The following CDKAL1 variants were observed in gnomAD, a reference collection of about 807,000 sequenced individuals.
CDKAL1 encodes the protein CDKAL1 threonylcarbamoyladenosine tRNA methylthiotransferase.
Under a neutral mutation model 68.2 loss-of-function variants are expected in CDKAL1, and 32 were observed. The observed-to-expected ratio is 0.47, with a 90% CI of 0.35 to 0.63. The LOEUF is 0.63. CDKAL1 is among the 30% of genes least tolerant of loss of function. The pLI, the probability that CDKAL1 is intolerant of heterozygous loss-of-function variation, is 0.00. For missense variants in CDKAL1, 606 were observed against 696.7 expected, an observed-to-expected ratio of 0.87 and a Z score of 1.47; for synonymous variants, 234 against 244.3, an observed-to-expected ratio of 0.96 and a Z score of 0.39.
chr6:20,915,125 A>G (rs760777767), intron 9 of CDKAL1, among the ~76,000 whole-genome samples: 2 of 151,936 alleles, frequency 1.3e-5, no homozygotes, highest in Non-Finnish European at 2.9e-5. Context: ...AATTTATTGT[A>G]AATTGGTTTA....
At chr6:20,613,732 C>T (rs1766757673) in intron 4 of CDKAL1, among the ~76,000 whole-genome samples, 1 of 150,918 alleles carries the variant, frequency 6.6e-6, no homozygotes, top group African/African-American at 2.4e-5. Flanking sequence ...CTTTTCTTGG[C>T]TTTTGCTAAT....
chr6:20,975,525 A>G (rs755918462), intron 10 of CDKAL1, among the ~76,000 whole-genome samples: 8 of 152,244 alleles, frequency 5.3e-5, no homozygotes, highest in African/African-American at 1.9e-4. Context: ...GTCTTTGCAT[A>G]CATAACATCT....
At chr6:21,155,934 A>C (rs935911265) in intron 13 of CDKAL1, among the ~76,000 whole-genome samples, 9 of 152,202 alleles carry the variant, frequency 5.9e-5, no homozygotes, top group Non-Finnish European at 2.9e-5. Context: ...TAAATATCCC[A>C]TAGTGGGTGA....
intron 5 of CDKAL1, among the ~76,000 whole-genome samples, chr6:20,714,450 A>G (rs1771995012): frequency 7.8e-6 from 1 of 128,102 alleles, no homozygotes. Context: ...GTGTAGTGGT[A>G]CAATCATAGT....
intron 11 of CDKAL1, among the ~76,000 whole-genome samples, chr6:21,059,032 A>G (rs897439739): frequency 1.3e-5 from 2 of 152,122 alleles, no homozygotes; most frequent in Admixed American, 1.3e-4. Context: ...CTGCTGAACC[A>G]TGGAGATTGC....
chr6:20,951,778 T>G (rs1216889939), intron 9 of CDKAL1, among the ~76,000 whole-genome samples: 1 of 152,040 alleles, frequency 6.6e-6, no homozygotes, highest in African/African-American at 2.4e-5. Flanking sequence ...GATGAACAAT[T>G]TTAGAAAAAA....
Position 20,587,603 on chromosome 6 carries a change from C to T in CDKAL1, c.286+38898C>T, listed in dbSNP as rs113983020. Among the ~76,000 whole-genome samples, 1,289 of 151,936 alleles carry T rather than the reference C, an allele frequency of 8.5e-3. 21 individuals carry two copies. Among genetic ancestry groups the T allele is most frequent in the African/African-American group, 0.03 (1,222 of 41,398 alleles). On this transcript the variant is annotated intron_variant, in intron 4 of 15. Transcript: ENST00000274695. The stretch of plus-strand genomic sequence containing the variant: ...AAAAAATTAGCTGGGTGTGGTGGTG[C>T]CCACCTGTAGTCCCAGCTACTCTGG...
At chr6:20,718,010 A>G (rs1772176515) in intron 5 of CDKAL1, among the ~76,000 whole-genome samples, 1 of 152,138 alleles carries the variant, frequency 6.6e-6, no homozygotes, top group Non-Finnish European at 1.5e-5. Flanking sequence ...GGCTTGTGAA[A>G]TCCTAGTGGC....
intron 4 of CDKAL1, among the ~76,000 whole-genome samples, chr6:20,585,057 C>CTTTT (rs11385529): frequency 3.8e-5 from 5 of 131,682 alleles, no homozygotes; most frequent in South Asian, 2.4e-4. Context: ...AATCTTGTTT[C>CTTTT]TTTTTTTTTT....
chr6:20,613,440 G>A (rs957789639), intron 4 of CDKAL1, among the ~76,000 whole-genome samples: 2 of 149,794 alleles, frequency 1.3e-5, no homozygotes, highest in Admixed American at 1.3e-4. Context: ...ATACCCGGCT[G>A]ATTTTTGTAT....
chr6:20,750,043 C>A (rs1482931491), intron 6 of CDKAL1, among the ~76,000 whole-genome samples: 5 of 152,012 alleles, frequency 3.3e-5, no homozygotes, highest in African/African-American at 1.2e-4. Context: ...GTCATTGTAG[C>A]AAATGAAAAT....
chr6:20,607,785 C>G (rs1051232389), intron 4 of CDKAL1, among the ~76,000 whole-genome samples: 15 of 152,108 alleles, frequency 9.9e-5, no homozygotes, highest in Admixed American at 9.8e-4. Context: ...ACCTCCGCCT[C>G]CCAGGTTCAA....
intron 8 of CDKAL1, among the ~76,000 whole-genome samples, chr6:20,790,639 C>T (rs1581586524): frequency 6.6e-6 from 1 of 152,172 alleles, no homozygotes; most frequent in South Asian, 2.1e-4. Context: ...TGTGCTATAG[C>T]ATTCGGTGGT....
intron 13 of CDKAL1, among the ~76,000 whole-genome samples, chr6:21,139,630 C>T (rs911782891): frequency 1.3e-5 from 2 of 152,082 alleles, no homozygotes; most frequent in African/African-American, 4.8e-5. Context: ...CCCACCTCAA[C>T]CTCCCGAGTA....
intron 9 of CDKAL1, among the ~76,000 whole-genome samples, chr6:20,899,822 G>A (rs1273639205): frequency 1.3e-5 from 2 of 152,124 alleles, no homozygotes; most frequent in Non-Finnish European, 2.9e-5. Flanking sequence ...CAACCTGGGC[G>A]ACAGAGCGAA....
intron 13 of CDKAL1, among the ~76,000 whole-genome samples, chr6:21,177,801 A>C (rs1777644877): frequency 6.6e-6 from 1 of 152,200 alleles, no homozygotes; most frequent in Non-Finnish European, 1.5e-5. Flanking sequence ...AAAGATAATG[A>C]GAGCAGACAC....
intron 5 of CDKAL1, among the ~76,000 whole-genome samples, chr6:20,655,727 A>T (rs1768996287): frequency 6.6e-6 from 1 of 152,144 alleles, no homozygotes; most frequent in African/African-American, 2.4e-5. Context: ...ATTATCTTCC[A>T]TGAAGCCGGT....
intron 9 of CDKAL1, among the ~76,000 whole-genome samples, chr6:20,950,496 C>A (rs1764469005): frequency 6.6e-6 from 1 of 152,038 alleles, no homozygotes. Flanking sequence ...CACTGTGACC[C>A]TTAAAAGAAA....
intron 13 of CDKAL1, among the ~76,000 whole-genome samples, chr6:21,167,974 C>A (rs1400492847): frequency 6.6e-6 from 1 of 152,134 alleles, no homozygotes; most frequent in East Asian, 1.9e-4. Context: ...AAATTATAAA[C>A]AGCTTTGCAG....
Sources: allele counts gnomAD v4.1 joint callset (sites outside exome capture counted in the v4.1 genomes callset), GRCh38; gene constraint gnomAD v4.1.1; transcripts MANE v1.5; gene names NCBI Gene and HGNC (gene_info 2026-07-23, HGNC 2026-07-21).